PPP4R3B: variants seen among roughly 807,000 people sequenced by gnomAD.
The protein encoded by PPP4R3B is protein phosphatase 4 regulatory subunit 3B.
PPP4R3B carries 52 observed loss-of-function variants against 95.4 expected under a neutral mutation model. The observed-to-expected ratio is 0.54, with a 90% CI of 0.44 to 0.69. PPP4R3B has a LOEUF of 0.69. Among genes scored for constraint, PPP4R3B ranks in the 30% least tolerant of loss-of-function variants. The pLI is 0.00. For synonymous variants in PPP4R3B, 407 were observed against 343.9 expected, an observed-to-expected ratio of 1.18 and a Z score of -2.03; for missense variants, 1,003 against 1,005.9, an observed-to-expected ratio of 1.00 and a Z score of 0.04.
intron 2 of PPP4R3B, among the ~76,000 whole-genome samples, chr2:55,607,468 G>A (rs1187268073): frequency 2.6e-5 from 4 of 152,140 alleles, no homozygotes; most frequent in African/African-American, 9.7e-5. Flanking sequence ...AAAATGCAGG[G>A]AAACAGTTAT....
Position 55,581,815 on chromosome 2 carries a change from G to A in PPP4R3B, c.1234-117C>T, listed in dbSNP as rs1574793288. 9.4e-6 allele frequency: 10 copies of A among 1,066,700 alleles called. No individual in the cohort carries two copies. In the Admixed American group the frequency reaches 3.1e-4, roughly 33 times the overall value. The allele number at this position is 1,066,700 out of a possible 1,614,324, so 66.1% of individuals were successfully genotyped here. ...ATTATATAGAGAAAAAACGAAGAAT[G>A]GAATAGCTTATTTAAACCTCTATTC... On this transcript the variant is annotated intron_variant, in intron 7 of 16. Transcript: ENST00000616407.
intron 3 of PPP4R3B, among the ~76,000 whole-genome samples, chr2:55,602,655 T>C (rs1229580713): frequency 1.3e-5 from 2 of 152,228 alleles, no homozygotes; most frequent in Non-Finnish European, 2.9e-5. Flanking sequence ...ATACTGAATG[T>C]ATGCTGCCAT....
At chr2:55,591,101 T>C (rs968998560) in intron 4 of PPP4R3B, among the ~76,000 whole-genome samples, 1 of 152,118 alleles carries the variant, frequency 6.6e-6, no homozygotes, top group Non-Finnish European at 1.5e-5. Flanking sequence ...AGGGAGTTTA[T>C]ATGCATATGT....
chr2:55,613,117 T>G (rs1694410053), intron 2 of PPP4R3B, among the ~76,000 whole-genome samples: 1 of 152,040 alleles, frequency 6.6e-6, no homozygotes, highest in African/African-American at 2.4e-5. Context: ...TCAAAAAAAT[T>G]ATTTTCAAAA....
At chr2:55,577,439 A>C (rs1202441599) in intron 10 of PPP4R3B, 83 bp from the exon 11 acceptor site, 4 of 1,222,504 alleles carry the variant, frequency 3.3e-6, no homozygotes, top group Non-Finnish European at 4.2e-6. Context: ...TATACAATGC[A>C]TGTCTTCAAT....
chr2:55,617,047 C>A, intron 1 of PPP4R3B, 97 bp downstream of exon 1: 1 of 1,418,128 alleles, frequency 7.1e-7, no homozygotes, highest in African/African-American at 1.4e-5. Flanking sequence ...CGCGCTGTCC[C>A]GAAGGAGTAG....
intron 11 of PPP4R3B, among the ~76,000 whole-genome samples, chr2:55,574,384 G>T (rs1487701001): frequency 1.3e-5 from 2 of 151,542 alleles, no homozygotes; most frequent in Non-Finnish European, 1.5e-5. Flanking sequence ...TGGCACTGAG[G>T]AGTTCTTGGT....
At chr2:55,577,465 C>G (rs193100013) in intron 10 of PPP4R3B, 109 bp from the exon 11 acceptor site, 8 of 1,105,840 alleles carry the variant, frequency 7.2e-6, no homozygotes, top group African/African-American at 3.3e-5. Flanking sequence ...TCTCCTTTTA[C>G]CCTCAAAATA....
chr2:55,563,851 T>C (rs998150607), intron 15 of PPP4R3B, among the ~76,000 whole-genome samples: 1 of 152,168 alleles, frequency 6.6e-6, no homozygotes, highest in Non-Finnish European at 1.5e-5. Context: ...AGTTTTACTT[T>C]TTCACTTCTC....
At chr2:55,571,067 T>G (rs1485602938) in intron 12 of PPP4R3B, among the ~76,000 whole-genome samples, 2 of 152,204 alleles carry the variant, frequency 1.3e-5, no homozygotes, top group African/African-American at 4.8e-5. Context: ...TCTCAGCCCT[T>G]TGGGAGGCTG....
At chr2:55,566,461 A>G (rs1687308529) in intron 13 of PPP4R3B, among the ~76,000 whole-genome samples, 1 of 152,228 alleles carries the variant, frequency 6.6e-6, no homozygotes, top group South Asian at 2.1e-4. Flanking sequence ...TAAATAAAAT[A>G]TAAAGCTTTG....
intron 2 of PPP4R3B, among the ~76,000 whole-genome samples, chr2:55,611,973 T>TCC (rs1694229072): frequency 6.6e-6 from 1 of 152,138 alleles, no homozygotes; most frequent in South Asian, 2.1e-4. Context: ...GCTCAAGGGA[T>TCC]CCTCCTGCCT....
intron 5 of PPP4R3B, among the ~76,000 whole-genome samples, chr2:55,587,846 T>G (rs1274515853): frequency 6.6e-6 from 1 of 152,200 alleles, no homozygotes; most frequent in Admixed American, 6.5e-5. Flanking sequence ...GAAAACGAAG[T>G]AGGCTACTAA....
At chr2:55,551,698 C>A (rs1180057187) in intron 16 of PPP4R3B, among the ~76,000 whole-genome samples, 3 of 150,116 alleles carry the variant, frequency 2.0e-5, no homozygotes, top group Non-Finnish European at 3.0e-5. Flanking sequence ...CTGCAGTGAG[C>A]CAAGATTGCA....
chr2:55,553,373 G>T (rs977337180), intron 16 of PPP4R3B, among the ~76,000 whole-genome samples: 1 of 152,020 alleles, frequency 6.6e-6, no homozygotes, highest in African/African-American at 2.4e-5. Flanking sequence ...AGTATGGGGG[G>T]AACTACAAAC....
intron 11 of PPP4R3B, among the ~76,000 whole-genome samples, chr2:55,576,355 C>T (rs375068515): frequency 5.9e-4 from 86 of 144,718 alleles, no homozygotes; most frequent in African/African-American, 1.8e-3. Context: ...CTCAAACAAA[C>T]GAAAGCAATT....
chr2:55,598,607 T>G lies in PPP4R3B; in HGVS notation c.730A>C (p.Lys244Gln), dbSNP rs769535346. 1 of 1,614,230 alleles carries G rather than the reference T, an allele frequency of 6.2e-7. No individual in the cohort carries two copies. Among genetic ancestry groups the G allele is most frequent in the Non-Finnish European group, 8.5e-7 (1 of 1,180,044 alleles). Reference protein sequence around the residue: ...QPKRHREFLTKTAKFKEVIPI... With the variant: ...QPKRHREFLTQTAKFKEVIPI... ...ATAACTTCCTTGAACTTTGCAGTTTTGGTCAAGAATTCTCTATGTCTTTTT... is the reference window on the plus strand; with the variant it reads ...ATAACTTCCTTGAACTTTGCAGTTTGGGTCAAGAATTCTCTATGTCTTTTT... Residue 244 changes from lysine to glutamine, a missense_variant, in exon 4 of 17, where the codon AAA (lysine) becomes CAA (glutamine). Physicochemically the swap from Lys to Gln is moderately conservative, Grantham distance 53 (BLOSUM62 1). This residue lies in a region of PPP4R3B where 695 missense variants were observed against 686.2 expected (regional missense o/e 1.01). Transcript: ENST00000616407.
In PPP4R3B at chr2:55,601,508, G is replaced by C. The variant is rs544249901; in HGVS notation, c.298-2469C>G. On this transcript the variant is annotated intron_variant, in intron 3 of 16. Coordinates refer to ENST00000616407, the MANE Select transcript of PPP4R3B (RefSeq NM_001122964.3). ...CCATTCTCCTGCCTCAGCCTCCCAA[G>C]TAGCTGGGACTACAGGTGCCCACCA... Among the ~76,000 whole-genome samples, 106 of 151,972 alleles carry C rather than the reference G, an allele frequency of 7.0e-4. 3 individuals are homozygous for C. Among genetic ancestry groups the C allele is most frequent in the Admixed American group, 6.4e-3 (98 of 15,236 alleles).
In PPP4R3B at chr2:55,564,892, TAAAC is replaced by T. The variant is rs1687094563; in HGVS notation, c.2075+6_2075+9del. 6.2e-7 allele frequency: 1 copy of T among 1,606,992 alleles called. No individual in the cohort carries two copies. The highest frequency in any genetic ancestry group is 8.5e-7 in the Non-Finnish European group (1 of 1,178,158). On this transcript the variant is annotated splice_donor_region_variant and intron_variant, in intron 14 of 16. Transcript: ENST00000616407. ...TTGTAGGCTATAAAAGCAGTATACT[TAAAC>T]AATACCTGTTCAGTTTCTGATTTTG...
Sources: gnomAD v4.1 joint callset for allele counts (sites outside exome capture counted in the v4.1 genomes callset) on GRCh38, gnomAD v4.1.1 for gene constraint, gnomAD v4.1.1 regional missense constraint, MANE v1.5 for transcripts, NCBI Gene and HGNC (gene_info 2026-07-23, HGNC 2026-07-21) for gene names.